The following RCL1 variants were observed in gnomAD, a reference collection of about 807,000 sequenced individuals.
RCL1 encodes RNA terminal phosphate cyclase like 1.
Under a neutral mutation model 42.4 loss-of-function variants are expected in RCL1, and 24 were observed. That is an observed-to-expected ratio of 0.57 (90% confidence interval 0.41 to 0.80). The LOEUF (loss-of-function observed/expected upper bound fraction) is 0.80, where lower values mean the gene tolerates loss of function less well. Ranked by LOEUF, RCL1 falls within the 30% of genes least tolerant of loss-of-function variation. RCL1 has a pLI of 0.00. For missense variants in RCL1, 578 were observed against 467.9 expected (o/e 1.24, Z -2.17); for synonymous variants, 228 against 177.3 (o/e 1.29, Z -2.27).
At chr9:4,800,694 C>G (rs1176575618) in intron 1 of RCL1, among the ~76,000 whole-genome samples, 4 of 142,510 alleles carry the variant, frequency 2.8e-5, no homozygotes, top group African/African-American at 7.8e-5. Context: ...GCTCTGACTT[C>G]CAGGCTGGAA....
At chr9:4,814,431 C>T (rs796888999) in intron 1 of RCL1, among the ~76,000 whole-genome samples, 7 of 151,970 alleles carry the variant, frequency 4.6e-5, no homozygotes, top group African/African-American at 1.2e-4. Flanking sequence ...CCACCATGCC[C>T]GGCTTTTGTA....
At chr9:4,857,552 G>C (rs1256494704) in intron 8 of RCL1, among the ~76,000 whole-genome samples, 4 of 152,146 alleles carry the variant, frequency 2.6e-5, no homozygotes, top group Non-Finnish European at 5.9e-5. Flanking sequence ...TGACTCTTGT[G>C]AATAATGCCA....
At chr9:4,796,536 C>T (rs1012651114) in intron 1 of RCL1, among the ~76,000 whole-genome samples, 2 of 152,176 alleles carry the variant, frequency 1.3e-5, no homozygotes, top group African/African-American at 4.8e-5. Flanking sequence ...GCTGGAACTA[C>T]AGATGTGTAC....
intron 1 of RCL1, chr9:4,804,950 T>C (rs296838): frequency 1 from 152,645 of 152,656 alleles, 76,317 homozygotes; most frequent in Non-Finnish European, 1. Context: ...GAGAGCACCT[T>C]CAACTGCCGG....
chr9:4,806,028 G>GTGTGTGTGTGTGTGTGTGTT (rs1815940489), intron 1 of RCL1, among the ~76,000 whole-genome samples: 1 of 136,448 alleles, frequency 7.3e-6, no homozygotes, highest in Non-Finnish European at 1.6e-5. Flanking sequence ...GTGTGTGTGT[G>GTGTGTGTGTGTGTGTGTGTT]TGTGTGTGTG....
intron 5 of RCL1, among the ~76,000 whole-genome samples, chr9:4,835,540 G>A (rs921002140): frequency 6.6e-6 from 1 of 152,234 alleles, no homozygotes; most frequent in African/African-American, 2.4e-5. Context: ...GAAAGAGAAG[G>A]AGAAGGAAGG....
intron 1 of RCL1, among the ~76,000 whole-genome samples, chr9:4,809,570 A>C (rs1221866744): frequency 6.6e-6 from 1 of 152,104 alleles, no homozygotes; most frequent in Non-Finnish European, 1.5e-5. Flanking sequence ...GGCCTCCCAG[A>C]GTGCTGGGAT....
chr9:4,847,158 C>A (rs1318635226), intron 7 of RCL1, among the ~76,000 whole-genome samples: 1 of 152,156 alleles, frequency 6.6e-6, no homozygotes, highest in African/African-American at 2.4e-5. Context: ...GGATTACAGA[C>A]GTGAGCCACT....
chr9:4,826,338 G>C (rs1816761724), intron 2 of RCL1, among the ~76,000 whole-genome samples: 1 of 152,196 alleles, frequency 6.6e-6, no homozygotes, highest in Non-Finnish European at 1.5e-5. Context: ...TATTAGGCAT[G>C]TCCCTGTATC....
At chr9:4,849,831 A>T (rs1587731672) in intron 8 of RCL1, among the ~76,000 whole-genome samples, 2 of 152,318 alleles carry the variant, frequency 1.3e-5, no homozygotes, top group East Asian at 3.9e-4. Flanking sequence ...GGTTAGAGGT[A>T]AACTCCTGGT....
chr9:4,840,446 C>T (rs1378405537), intron 5 of RCL1, among the ~76,000 whole-genome samples: 1 of 152,150 alleles, frequency 6.6e-6, no homozygotes, highest in East Asian at 1.9e-4. Context: ...GGAATGCCAG[C>T]TTCTGTTATA....
intron 1 of RCL1, 25 bp downstream of exon 1, chr9:4,793,252 G>T (rs770659061): frequency 1.3e-6 from 2 of 1,568,126 alleles, no homozygotes; most frequent in Non-Finnish European, 8.6e-7. Context: ...GCGGCGCGCG[G>T]CGTGGGCGCG....
intron 5 of RCL1, among the ~76,000 whole-genome samples, chr9:4,835,633 G>T (rs765202641): frequency 1.3e-5 from 2 of 152,242 alleles, no homozygotes; most frequent in Non-Finnish European, 2.9e-5. Context: ...GAGTGTTTTT[G>T]TAGGTTGTTA....
At chr9:4,807,806 C>A (rs7029729) in intron 1 of RCL1, among the ~76,000 whole-genome samples, 47,786 of 152,050 alleles carry the variant, frequency 0.31, 7,834 homozygotes, top group South Asian at 0.42. Flanking sequence ...GGCGTGAGCC[C>A]CCGCGCCTGG....
chr9:4,849,588 T>A (rs750933902), intron 8 of RCL1, 38 bp downstream of exon 8: 2 of 1,492,332 alleles, frequency 1.3e-6, no homozygotes. Flanking sequence ...TTCTGTCCAG[T>A]GTAATTTTCT....
intron 3 of RCL1, among the ~76,000 whole-genome samples, chr9:4,830,960 C>T (rs1373554507): frequency 6.6e-6 from 1 of 152,168 alleles, no homozygotes; most frequent in African/African-American, 2.4e-5. Flanking sequence ...ACTTACAGGC[C>T]ACCATCACTC....
intron 1 of RCL1, among the ~76,000 whole-genome samples, chr9:4,816,127 T>A (rs575584286): frequency 6.6e-6 from 1 of 152,358 alleles, no homozygotes; most frequent in Admixed American, 6.5e-5. Context: ...GCACCTTTTC[T>A]TTGATGTATT....
chr9:4,845,357 C>G (rs1465335997), intron 7 of RCL1, among the ~76,000 whole-genome samples: 1 of 152,216 alleles, frequency 6.6e-6, no homozygotes, highest in African/African-American at 2.4e-5. Flanking sequence ...TTTGCTTCTG[C>G]AGGTCTGCTG....
At chr9:4,823,658 C>T in intron 2 of RCL1, 39 bp downstream of exon 2, 1 of 1,359,816 alleles carries the variant, frequency 7.4e-7, no homozygotes, top group Non-Finnish European at 1.0e-6. Flanking sequence ...CCTCCATGCA[C>T]TAAAGCATTC....
Sources: gnomAD v4.1 joint callset for allele counts (sites outside exome capture counted in the v4.1 genomes callset) on GRCh38, gnomAD v4.1.1 for gene constraint, MANE v1.5 for transcripts, NCBI Gene and HGNC (gene_info 2026-07-23, HGNC 2026-07-21) for gene names.